The following PACRG variants were observed in gnomAD, a reference collection of about 807,000 sequenced individuals.
The protein encoded by PACRG is parkin coregulated gene protein.
In PACRG, 29 loss-of-function variants were observed where a neutral mutation model predicts 29.7. That is an observed-to-expected ratio of 0.98 (90% CI 0.73 to 1.33). The LOEUF (loss-of-function observed/expected upper bound fraction) is 1.33. Ranked by LOEUF, PACRG falls within the 40% of genes most tolerant of loss-of-function variation. The pLI, the probability that PACRG is intolerant of heterozygous loss-of-function variation, is 0.00. For missense variants in PACRG, 279 were observed against 316.2 expected (o/e 0.88, Z 0.89); for synonymous variants, 116 against 118.7 (o/e 0.98, Z 0.15).
In PACRG at chr6:163,258,430, G is replaced by C. The variant is rs184085493; in HGVS notation, c.614-56397G>C. On this transcript the variant is annotated intron_variant, in intron 4 of 4. Transcript: ENST00000366888. ...ATTTCTTTGCTTATTTTTATGATTAGGGATCTGCTTGATTTGGGTGACATC... is the reference window on the plus strand; with the variant it reads ...ATTTCTTTGCTTATTTTTATGATTACGGATCTGCTTGATTTGGGTGACATC... Among the ~76,000 whole-genome samples the C allele has an allele frequency of 2.4e-4, 36 of 152,110 alleles. No individual in the cohort carries two copies. In the East Asian group the frequency reaches 6.8e-3, roughly 29 times the overall value.
intron 4 of PACRG, chr6:163,095,352 G>C (rs1282336136): frequency 1.0e-6 from 1 of 985,272 alleles, no homozygotes; most frequent in Admixed American, 6.1e-5. Flanking sequence ...GGTTGCGCCT[G>C]CCCGGAGGGA....
At chr6:162,926,545 C>T (rs1797454802) in intron 2 of PACRG, among the ~76,000 whole-genome samples, 1 of 151,968 alleles carries the variant, frequency 6.6e-6, no homozygotes, top group Non-Finnish European at 1.5e-5. Flanking sequence ...AAAAACAAGC[C>T]ATGGGGAAAG....
intron 1 of PACRG, among the ~76,000 whole-genome samples, chr6:162,756,327 T>C (rs1254493012): frequency 6.6e-6 from 1 of 152,210 alleles, no homozygotes; most frequent in Non-Finnish European, 1.5e-5. Context: ...TGCTCTAATA[T>C]TGGGTGCAAA....
chr6:162,728,422 G>T lies in PACRG; in HGVS notation c.156+31G>T, dbSNP rs201337079. 4.5e-4 allele frequency: 720 copies of T among 1,601,962 alleles called. 1 individual carries two copies. The highest frequency in any genetic ancestry group is 1.6e-3 in the Admixed American group (97 of 59,930). ...TGATCTTCCTGAATTAAATGCACTCGCTCTGAATCAGGGGACACGAGATTT... is the reference window on the plus strand; with the variant it reads ...TGATCTTCCTGAATTAAATGCACTCTCTCTGAATCAGGGGACACGAGATTT... On this transcript the variant is annotated intron_variant, in intron 1 of 4. Coordinates refer to ENST00000366888, the MANE Select transcript of PACRG (RefSeq NM_001080379.2).
intron 2 of PACRG, among the ~76,000 whole-genome samples, chr6:162,859,883 A>G (rs1791711616): frequency 6.6e-6 from 1 of 152,204 alleles, no homozygotes; most frequent in African/African-American, 2.4e-5. Flanking sequence ...CCTGTGTCAC[A>G]GAAAACTTTT....
intron 4 of PACRG, among the ~76,000 whole-genome samples, chr6:163,258,198 C>G (rs1421639313): frequency 6.6e-6 from 1 of 152,130 alleles, no homozygotes; most frequent in South Asian, 2.1e-4. Flanking sequence ...AAAGTAGAAT[C>G]TATTCCTAAT....
intron 1 of PACRG, among the ~76,000 whole-genome samples, chr6:162,784,427 G>T (rs1001426490): frequency 6.6e-6 from 1 of 152,216 alleles, no homozygotes; most frequent in Non-Finnish European, 1.5e-5. Flanking sequence ...AAGATGGAAA[G>T]ATGACATTCA....
At chr6:163,126,629 G>A (rs926980288) in intron 4 of PACRG, among the ~76,000 whole-genome samples, 11 of 152,122 alleles carry the variant, frequency 7.2e-5, no homozygotes, top group Non-Finnish European at 1.6e-4. Context: ...AAGCAATGGC[G>A]AAAGAATCTG....
At chr6:163,096,725 T>C (rs1385813881) in intron 4 of PACRG, among the ~76,000 whole-genome samples, 1 of 152,162 alleles carries the variant, frequency 6.6e-6, no homozygotes, top group Non-Finnish European at 1.5e-5. Flanking sequence ...GTAAGTGCTT[T>C]GAAACTAGCG....
intron 4 of PACRG, among the ~76,000 whole-genome samples, chr6:163,133,687 A>G (rs1000996546): frequency 2.0e-5 from 3 of 152,216 alleles, no homozygotes; most frequent in Non-Finnish European, 4.4e-5. Context: ...CCGGTGCAAA[A>G]TGGAAATGTG....
At chr6:162,912,889 A>G (rs966655693) in intron 2 of PACRG, among the ~76,000 whole-genome samples, 8 of 151,664 alleles carry the variant, frequency 5.3e-5, no homozygotes, top group Non-Finnish European at 1.0e-4. Context: ...TATTCTTATA[A>G]ATACATGTGT....
chr6:163,097,184 T>C (rs931452203), intron 4 of PACRG, among the ~76,000 whole-genome samples: 1 of 152,218 alleles, frequency 6.6e-6, no homozygotes, highest in Admixed American at 6.5e-5. Flanking sequence ...TTGGCCCTTA[T>C]ATTTGTGGTT....
chr6:163,311,896 GC>G (rs1785432929), intron 4 of PACRG, among the ~76,000 whole-genome samples: 2 of 152,196 alleles, frequency 1.3e-5, no homozygotes, highest in South Asian at 4.1e-4. Flanking sequence ...GGTGCCTTAA[GC>G]TTTCCATTGT....
chr6:163,240,068 ACCT>A (rs758970014), intron 4 of PACRG, among the ~76,000 whole-genome samples: 34 of 139,584 alleles, frequency 2.4e-4, no homozygotes, highest in Non-Finnish European at 4.1e-4. Flanking sequence ...ACACACTCAC[ACCT>A]CCACCCCCCC....
At chr6:162,798,222 T>C (rs1220674559) in intron 1 of PACRG, among the ~76,000 whole-genome samples, 1 of 152,174 alleles carries the variant, frequency 6.6e-6, no homozygotes. Context: ...TGGTTGCAAG[T>C]GTCATTTGTT....
chr6:162,840,224 G>A (rs933507554), intron 2 of PACRG, among the ~76,000 whole-genome samples: 6 of 111,300 alleles, frequency 5.4e-5, no homozygotes, highest in African/African-American at 2.2e-4. Context: ...TCCTACCTAT[G>A]AGCATGGAAT....
chr6:163,111,201 C>G (rs1333064957), intron 4 of PACRG, among the ~76,000 whole-genome samples: 1 of 152,206 alleles, frequency 6.6e-6, no homozygotes, highest in Admixed American at 6.5e-5. Flanking sequence ...AGGGTTCCTT[C>G]CCTCCCACAC....
chr6:162,753,662 C>T (rs1037815411), intron 1 of PACRG, among the ~76,000 whole-genome samples: 8 of 152,076 alleles, frequency 5.3e-5, no homozygotes, highest in Non-Finnish European at 1.0e-4. Flanking sequence ...ATCATTCCCC[C>T]ATGCTGTTCT....
At chr6:162,771,126 G>A (rs948588845) in intron 1 of PACRG, among the ~76,000 whole-genome samples, 3 of 152,156 alleles carry the variant, frequency 2.0e-5, no homozygotes, top group African/African-American at 7.2e-5. Context: ...TCTTACTTAT[G>A]ATGAAATAAC....
Sources: allele counts gnomAD v4.1 joint callset (sites outside exome capture counted in the v4.1 genomes callset), GRCh38; gene constraint gnomAD v4.1.1; transcripts MANE v1.5; gene names NCBI Gene and HGNC (gene_info 2026-07-23, HGNC 2026-07-21).